Variants in HERC2 observed in about 807,000 individuals in gnomAD.
HERC2 encodes E3 ubiquitin-protein ligase HERC2.
In HERC2, 102 loss-of-function variants were observed where a neutral mutation model predicts 537.7. The ratio of observed to expected loss-of-function variants is 0.19; its 90% confidence interval spans 0.16 to 0.22. HERC2 has a LOEUF of 0.22. Ranked by LOEUF, HERC2 falls within the 10% of genes least tolerant of loss-of-function variation. The pLI, the probability that HERC2 is intolerant of heterozygous loss-of-function variation, is 1.00. For synonymous variants in HERC2, 2,224 were observed against 2,466.2 expected (o/e 0.90, Z 2.91); for missense variants, 4,236 against 6,198.2 (o/e 0.68, Z 10.63).
chr15:28,214,398 C>T (rs1222143411), intron 40 of HERC2, 126 bp from the exon 41 acceptor site: 20 of 978,702 alleles, frequency 2.0e-5, no homozygotes, highest in African/African-American at 8.0e-5. Flanking sequence ...GGAAGGGAGA[C>T]GGCCATGCAC....
At chr15:28,245,850 T>C in intron 23 of HERC2, 31 bp downstream of exon 23, 1 of 1,576,730 alleles carries the variant, frequency 6.3e-7, no homozygotes, top group South Asian at 1.1e-5. Context: ...AATAAAACTT[T>C]CCTCAGTAAA....
intron 2 of HERC2, among the ~76,000 whole-genome samples, chr15:28,321,029 C>G (rs2077214756): frequency 6.6e-6 from 1 of 152,012 alleles, no homozygotes; most frequent in South Asian, 2.1e-4. Context: ...CTCAACAGCT[C>G]AAAAACGATC....
chr15:28,194,884 C>T (rs1897202882), intron 52 of HERC2, among the ~76,000 whole-genome samples: 2 of 151,860 alleles, frequency 1.3e-5, no homozygotes, highest in South Asian at 2.1e-4. Flanking sequence ...GGTGAAATCT[C>T]ACCTCTACTA....
In HERC2 at chr15:28,262,876, A is replaced by C. The variant is rs1186914198; in HGVS notation, c.2122+42T>G. On this transcript the variant is annotated intron_variant, in intron 15 of 92. Coordinates refer to ENST00000261609, the MANE Select transcript of HERC2 (RefSeq NM_004667.6). Reference sequence around the variant, plus strand: ...TGCTAACTTTAAAACATTACTAAAGAAACTGTCCTGAAGGGTTTTAAAAGT... The same window carrying C: ...TGCTAACTTTAAAACATTACTAAAGCAACTGTCCTGAAGGGTTTTAAAAGT... The C allele has an allele frequency of 3.2e-6, 5 of 1,577,562 alleles. No individual in the cohort carries two copies. In the Admixed American group the frequency reaches 9.2e-5, roughly 29 times the overall value.
intron 83 of HERC2, among the ~76,000 whole-genome samples, chr15:28,125,641 C>T (rs537453776): frequency 1.4e-4 from 22 of 152,028 alleles, no homozygotes; most frequent in Non-Finnish European, 2.6e-4. Flanking sequence ...CTCTTGCATG[C>T]GAAACAGAAA....
At chr15:28,194,659 G>C (rs1897184399) in intron 52 of HERC2, among the ~76,000 whole-genome samples, 1 of 152,124 alleles carries the variant, frequency 6.6e-6, no homozygotes, top group Non-Finnish European at 1.5e-5. Context: ...ACTTTTGTTT[G>C]AGCATATGAC....
intron 35 of HERC2, 52 bp downstream of exon 35, chr15:28,228,166 A>G (rs1157703037): frequency 2.0e-6 from 3 of 1,508,058 alleles, no homozygotes; most frequent in African/African-American, 1.4e-5. Flanking sequence ...AAAAGAAATC[A>G]AAGCAAAATC....
At chr15:28,121,284 G>T in intron 86 of HERC2, 62 bp downstream of exon 86, 1 of 1,461,710 alleles carries the variant, frequency 6.8e-7, no homozygotes, top group Non-Finnish European at 9.6e-7. Context: ...TCCCAGCCCA[G>T]GTACCCACGA....
At position 28,269,167 on chromosome 15, in the gene HERC2, G is replaced by C. The variant is rs139168653; in HGVS notation, c.1446+81C>G. ...ATCTTCAGAAATCAAACGCCTTAAA[G>C]AAACACCAGAGCTTGTGCATCTGTA... On this transcript the variant is annotated intron_variant, in intron 11 of 92. Transcript: ENST00000261609. 17 of 1,117,246 alleles carry C rather than the reference G, an allele frequency of 1.5e-5. No homozygotes were observed. The East Asian group carries it at 3.6e-4, about 23-fold the overall frequency. 69.2% of individuals were successfully genotyped at this position (1,117,246 alleles called of 1,614,324 possible).
intron 86 of HERC2, 120 bp downstream of exon 86, chr15:28,121,226 G>C (rs1888849015): frequency 1.2e-6 from 1 of 803,406 alleles, no homozygotes; most frequent in Admixed American, 2.2e-5. Context: ...GGTGGCACCT[G>C]CTCTTTAAAG....
chr15:28,178,553 C>T (rs1200967170), intron 59 of HERC2, among the ~76,000 whole-genome samples: 1 of 151,838 alleles, frequency 6.6e-6, no homozygotes, highest in Non-Finnish European at 1.5e-5. Flanking sequence ...AGAGGCCTAG[C>T]ACGGTGCCTC....
chr15:28,292,977 T>C lies in HERC2; in HGVS notation c.233A>G (p.Asp78Gly), dbSNP rs140630729. ...TTCTTCTTCATCTTTTTTCTCTTTG[T>C]CATTCAGATCTTCTTTCTTTGTTCC... Reference protein sequence around the residue: ...PSGTKKEDLNDKEKKDEEETP... With the variant: ...PSGTKKEDLNGKEKKDEEETP... The change falls in exon 4 of 93, where the codon GAC becomes GGC. Residue 78 changes from aspartate (D) to glycine (G), a missense_variant. Asp to Gly is a moderately conservative substitution (Grantham distance 94). This residue lies in a region of HERC2 where 491 missense variants were observed against 559.3 expected (regional missense o/e 0.88). Transcript: ENST00000261609. 4.0e-4 allele frequency: 641 copies of C among 1,611,258 alleles called. No individual in the cohort carries two copies. Among genetic ancestry groups the C allele is most frequent in the Non-Finnish European group, 5.2e-4 (619 of 1,179,562 alleles).
chr15:28,136,992 T>C (rs571572585), intron 78 of HERC2, among the ~76,000 whole-genome samples: 60 of 151,960 alleles, frequency 3.9e-4, no homozygotes, highest in African/African-American at 1.4e-3. Flanking sequence ...TGTGCAACAT[T>C]TAGCTAACTC....
intron 16 of HERC2, among the ~76,000 whole-genome samples, chr15:28,258,380 G>A (rs1284163543): frequency 6.6e-6 from 1 of 152,120 alleles, no homozygotes; most frequent in African/African-American, 2.4e-5. Flanking sequence ...GCTGAGGCAG[G>A]AGAATTGCTT....
In HERC2 at chr15:28,121,507, G is replaced by T. The variant is rs1888885055; in HGVS notation, c.13189-78C>A. 3.3e-6 allele frequency: 4 copies of T among 1,223,216 alleles called. No homozygotes were observed. In the African/African-American group the frequency reaches 4.5e-5, roughly 14 times the overall value. The allele number at this position is 1,223,216 out of a possible 1,614,324, so 75.8% of individuals were successfully genotyped here. A position where few individuals can be genotyped will look rare whatever the true frequency, so the allele number is the denominator to read the frequency against. ...CCTGAAGAAATCATCACATAGTTTT[G>T]TTTAAAATCTGTGTTGAAGACCTTC... On this transcript the variant is annotated intron_variant, in intron 85 of 92. Transcript: ENST00000261609.
intron 21 of HERC2, among the ~76,000 whole-genome samples, chr15:28,248,247 T>A (rs1596319087): frequency 6.6e-6 from 1 of 152,202 alleles, no homozygotes; most frequent in African/African-American, 2.4e-5. Context: ...ATCATGCCAG[T>A]CTCCAGCATT....
intron 3 of HERC2, 144 bp from the exon 4 acceptor site, chr15:28,293,166 A>T: frequency 1.4e-6 from 1 of 700,348 alleles, no homozygotes; most frequent in South Asian, 2.0e-5. Context: ...CATCAATCAT[A>T]CCTGTAACAG....
chr15:28,163,167 C>T lies in HERC2; in HGVS notation c.10673G>A (p.Cys3558Tyr). The change falls in exon 69 of 93, where the codon TGC becomes TAC. Residue 3558 changes from cysteine to tyrosine, a missense_variant. Cys to Tyr is a radical substitution (Grantham distance 194). Coordinates refer to ENST00000261609, the MANE Select transcript of HERC2 (RefSeq NM_004667.6). The stretch of plus-strand genomic sequence containing the variant: ...CCTGCCCCTGTCCCCGGCCCGGCTG[C>T]ACACTGACAGCTTGAGCAGGTCTAC... Reference protein sequence around the residue: ...VVVDLLKLSVCSRAGDRGRDV... With the variant: ...VVVDLLKLSVYSRAGDRGRDV... The T allele has an allele frequency of 6.2e-7, 1 of 1,613,560 alleles. No individual in the cohort carries two copies. Among genetic ancestry groups the T allele is most frequent in the Non-Finnish European group, 8.5e-7 (1 of 1,180,016 alleles).
intron 2 of HERC2, among the ~76,000 whole-genome samples, chr15:28,306,971 A>T (rs1314521080): frequency 6.6e-6 from 1 of 152,190 alleles, no homozygotes; most frequent in East Asian, 1.9e-4. Context: ...AGTGGCTGGA[A>T]TTACAGGCAC....
Sources: allele counts gnomAD v4.1 joint callset (sites outside exome capture counted in the v4.1 genomes callset), GRCh38; gene constraint gnomAD v4.1.1; regional missense constraint gnomAD v4.1.1; transcripts MANE v1.5; gene names NCBI Gene and HGNC (gene_info 2026-07-23, HGNC 2026-07-21).